The following FGGY variants were observed in gnomAD, a reference collection of about 807,000 sequenced individuals.
The protein encoded by FGGY is FGGY carbohydrate kinase domain containing.
In FGGY, 72 loss-of-function variants were observed where a neutral mutation model predicts 71.3. That is an observed-to-expected ratio of 1.01 (90% CI 0.84 to 1.23). FGGY has a LOEUF of 1.23. Ranked by LOEUF, FGGY falls within the 50% of genes most tolerant of loss-of-function variation. The pLI is 0.00. For missense variants in FGGY, 668 were observed against 682.3 expected (o/e 0.98, Z 0.23); for synonymous variants, 251 against 250.3 (o/e 1.00, Z -0.02).
At chr1:59,730,831 G>A (rs908177382) in intron 14 of FGGY, among the ~76,000 whole-genome samples, 1 of 152,168 alleles carries the variant, frequency 6.6e-6, no homozygotes, top group African/African-American at 2.4e-5. Flanking sequence ...CTGTATAGTG[G>A]AGAGGGACCC....
intron 14 of FGGY, among the ~76,000 whole-genome samples, chr1:59,688,634 T>C (rs1387570251): frequency 6.6e-6 from 1 of 152,216 alleles, no homozygotes; most frequent in Admixed American, 6.5e-5. Flanking sequence ...ATACCGAACG[T>C]TCATATTCAA....
intron 4 of FGGY, among the ~76,000 whole-genome samples, chr1:59,370,825 G>A (rs1045183661): frequency 6.6e-6 from 1 of 151,650 alleles, no homozygotes; most frequent in African/African-American, 2.4e-5. Context: ...AAGTGAAGGA[G>A]AAATAAAATA....
intron 11 of FGGY, among the ~76,000 whole-genome samples, chr1:59,655,347 G>A (rs2097208520): frequency 6.6e-6 from 1 of 152,138 alleles, no homozygotes; most frequent in South Asian, 2.1e-4. Context: ...TGCCATGGTG[G>A]TTTGCTGCAC....
At chr1:59,648,011 T>C (rs2097114330) in intron 11 of FGGY, among the ~76,000 whole-genome samples, 1 of 82,384 alleles carries the variant, frequency 1.2e-5, no homozygotes, top group Non-Finnish European at 2.3e-5. Flanking sequence ...TGGTTTTTTG[T>C]TCTTGCGATA....
intron 4 of FGGY, among the ~76,000 whole-genome samples, chr1:59,362,782 A>G (rs887044984): frequency 1.2e-4 from 19 of 152,204 alleles, no homozygotes; most frequent in Admixed American, 3.9e-4. Flanking sequence ...TGTACTATTT[A>G]TACATTCTTC....
chr1:59,470,623 A>G (rs2092891513), intron 6 of FGGY, among the ~76,000 whole-genome samples: 1 of 152,242 alleles, frequency 6.6e-6, no homozygotes, highest in Admixed American at 6.5e-5. Context: ...TTTAGGGGAA[A>G]GAAGAGGAAA....
At chr1:59,429,033 A>G (rs1031514228) in intron 5 of FGGY, among the ~76,000 whole-genome samples, 3 of 152,234 alleles carry the variant, frequency 2.0e-5, no homozygotes, top group African/African-American at 7.2e-5. Context: ...GTGCTCAGCA[A>G]ATATGACAAG....
At chr1:59,298,425 C>T (rs1384429529) in intron 1 of FGGY, among the ~76,000 whole-genome samples, 1 of 152,134 alleles carries the variant, frequency 6.6e-6, no homozygotes, top group Non-Finnish European at 1.5e-5. Context: ...GAAGTCAAAA[C>T]ATGTGTGCTG....
chr1:59,646,943 T>C (rs1045807415), intron 11 of FGGY, among the ~76,000 whole-genome samples: 1 of 152,254 alleles, frequency 6.6e-6, no homozygotes, highest in Non-Finnish European at 1.5e-5. Context: ...TTTTTCATTT[T>C]AATGACTTTT....
At chr1:59,634,803 A>T (rs1223194730) in intron 10 of FGGY, among the ~76,000 whole-genome samples, 2 of 152,242 alleles carry the variant, frequency 1.3e-5, no homozygotes, top group Non-Finnish European at 2.9e-5. Context: ...TCTTCATAGC[A>T]GCCTTTAAGT....
Position 59,346,286 on chromosome 1 carries a change from G to T in FGGY, c.353G>T (p.Arg118Leu). The change falls in exon 4 of 16, where the codon CGA becomes CTA. Residue 118 changes from arginine (R) to leucine (L), a missense_variant. Transcript: ENST00000303721. Reference sequence around the variant, plus strand: ...AACGTCATCATGTGGCTGGACCATCGAGCAGTCAGTCAAGTTAACAGGATC... The same window carrying T: ...AACGTCATCATGTGGCTGGACCATCTAGCAGTCAGTCAAGTTAACAGGATC... The part of the protein sequence containing the change: ...HRNVIMWLDH[R>L]AVSQVNRINE... 2 of 1,612,662 alleles carry T rather than the reference G, an allele frequency of 1.2e-6. No individual in the cohort carries two copies. The highest frequency in any genetic ancestry group is 1.7e-6 in the Non-Finnish European group (2 of 1,179,746).
chr1:59,382,860 G>C (rs2059635247), intron 5 of FGGY, among the ~76,000 whole-genome samples: 1 of 152,124 alleles, frequency 6.6e-6, no homozygotes, highest in African/African-American at 2.4e-5. Context: ...CTGCCTCCCT[G>C]ATTCTTTCTG....
intron 4 of FGGY, among the ~76,000 whole-genome samples, chr1:59,362,678 C>T (rs1384709494): frequency 3.3e-5 from 5 of 152,176 alleles, no homozygotes; most frequent in African/African-American, 1.2e-4. Flanking sequence ...CCTAAGTAAC[C>T]CCCTTACTTA....
At chr1:59,514,037 C>T (rs2094579775) in intron 7 of FGGY, among the ~76,000 whole-genome samples, 1 of 152,306 alleles carries the variant, frequency 6.6e-6, no homozygotes, top group Middle Eastern at 3.4e-3. Flanking sequence ...GGTTGTTTCT[C>T]TCCAAATACT....
chr1:59,360,322 C>CA (rs1272433928), intron 4 of FGGY, among the ~76,000 whole-genome samples: 1 of 152,036 alleles, frequency 6.6e-6, no homozygotes, highest in Non-Finnish European at 1.5e-5. Context: ...AAGCCTACTG[C>CA]AGTTGTCTTG....
rs184713984 is a variant in FGGY at position 59,424,493 on chromosome 1, G to A, written c.555-32468G>A. Among the ~76,000 whole-genome samples the A allele has an allele frequency of 1.3e-3, 204 of 152,282 alleles. 2 individuals are homozygous for A. Among genetic ancestry groups the A allele is most frequent in the African/African-American group, 4.4e-3 (183 of 41,552 alleles). On this transcript the variant is annotated intron_variant, in intron 5 of 15. Coordinates refer to ENST00000303721, the MANE Select transcript of FGGY (RefSeq NM_018291.5). ...ACCCGAGAGGCAGAGGTTGCAGTGA[G>A]CCAAAATCGCGCCACTGCACTCCAG...
intron 14 of FGGY, among the ~76,000 whole-genome samples, chr1:59,736,046 T>G (rs1015177271): frequency 6.6e-6 from 1 of 152,166 alleles, no homozygotes; most frequent in African/African-American, 2.4e-5. Context: ...GTTCTCATGA[T>G]AGCTGATAAC....
chr1:59,580,195 G>A (rs533317994), intron 8 of FGGY, among the ~76,000 whole-genome samples: 13 of 152,150 alleles, frequency 8.5e-5, no homozygotes, highest in South Asian at 6.2e-4. Context: ...CACAGTTATC[G>A]TCCTACGCTC....
At chr1:59,587,847 A>T (rs994704956) in intron 8 of FGGY, among the ~76,000 whole-genome samples, 49 of 152,208 alleles carry the variant, frequency 3.2e-4, no homozygotes, top group African/African-American at 1.2e-3. Flanking sequence ...AAGATGGGGA[A>T]AAAACAGAGC....
Sources: allele counts gnomAD v4.1 joint callset (sites outside exome capture counted in the v4.1 genomes callset), GRCh38; gene constraint gnomAD v4.1.1; transcripts MANE v1.5; gene names NCBI Gene and HGNC (gene_info 2026-07-23, HGNC 2026-07-21).